CDH18: variants seen among roughly 807,000 people sequenced by gnomAD.
The protein encoded by CDH18 is cadherin 18, also known as cadherin-18.
In CDH18, 31 loss-of-function variants were observed where a neutral mutation model predicts 67.9. The observed-to-expected ratio is 0.46, with a 90% CI of 0.34 to 0.62. CDH18 has a LOEUF of 0.62. Among genes scored for constraint, CDH18 ranks in the 20% least tolerant of loss-of-function variants. The pLI, the probability that CDH18 is intolerant of heterozygous loss-of-function variation, is 0.01. For missense variants in CDH18, 890 were observed against 975.5 expected (o/e 0.91, Z 1.17); for synonymous variants, 362 against 347.2 (o/e 1.04, Z -0.48).
chr5:20,357,765 C>G (rs1469347983), intron 1 of CDH18, among the ~76,000 whole-genome samples: 1 of 152,134 alleles, frequency 6.6e-6, no homozygotes, highest in East Asian at 1.9e-4. Flanking sequence ...TCTCAAATAA[C>G]AAAAGTTGAA....
chr5:20,400,855 C>T (rs1580911520), intron 1 of CDH18, among the ~76,000 whole-genome samples: 1 of 151,940 alleles, frequency 6.6e-6, no homozygotes, highest in South Asian at 2.1e-4. Context: ...AAAAACCAAC[C>T]AACCAAATCC....
chr5:19,892,305 G>A (rs564537954), intron 2 of CDH18, among the ~76,000 whole-genome samples: 40 of 152,046 alleles, frequency 2.6e-4, no homozygotes, highest in African/African-American at 8.4e-4. Flanking sequence ...AAAATAATGC[G>A]GTGATATATG....
intron 1 of CDH18, among the ~76,000 whole-genome samples, chr5:20,438,706 A>T (rs1202962085): frequency 6.6e-6 from 1 of 151,394 alleles, no homozygotes; most frequent in African/African-American, 2.4e-5. Context: ...TACTGATGAA[A>T]GTAGAAGGCT....
chr5:19,858,412 T>G (rs1335252826), intron 2 of CDH18, among the ~76,000 whole-genome samples: 6 of 152,042 alleles, frequency 3.9e-5, no homozygotes, highest in African/African-American at 1.4e-4. Flanking sequence ...TCTAGGTTTG[T>G]CATAAACTAT....
intron 2 of CDH18, among the ~76,000 whole-genome samples, chr5:20,042,056 T>C (rs79572533): frequency 0.011 from 1,747 of 152,328 alleles, 39 homozygotes; most frequent in African/African-American, 0.04. Flanking sequence ...AGTGAAGCTG[T>C]GAGTTGTGTC....
intron 1 of CDH18, among the ~76,000 whole-genome samples, chr5:20,419,106 T>A (rs1747602596): frequency 6.6e-6 from 1 of 152,036 alleles, no homozygotes; most frequent in South Asian, 2.1e-4. Context: ...AAGGGGACTT[T>A]CCGGTGCTAT....
intron 2 of CDH18, among the ~76,000 whole-genome samples, chr5:19,966,248 C>A (rs962006643): frequency 2.6e-5 from 4 of 152,034 alleles, no homozygotes; most frequent in Non-Finnish European, 5.9e-5. Context: ...TTATTTAATT[C>A]AATTATGATG....
In CDH18 at chr5:19,851,878, C is replaced by G. The variant is rs61555665; in HGVS notation, c.-256-12636G>C. 2.1e-3 allele frequency among the ~76,000 whole-genome samples: 307 copies of G among 148,638 alleles called. 1 individual carries two copies. Among genetic ancestry groups the G allele is most frequent in the Admixed American group, 4.5e-3 (68 of 15,052 alleles). On this transcript the variant is annotated intron_variant, in intron 2 of 12. Coordinates refer to ENST00000382275, the MANE Select transcript of CDH18 (RefSeq NM_004934.5). ...GTGTTTAAACTCCAGAGAAAGCCAGCCTTTTAGTTCATTAGCTGATAAAAT... is the reference window on the plus strand; with the variant it reads ...GTGTTTAAACTCCAGAGAAAGCCAGGCTTTTAGTTCATTAGCTGATAAAAT...
intron 7 of CDH18, among the ~76,000 whole-genome samples, chr5:19,579,540 A>C (rs1278373522): frequency 6.6e-6 from 1 of 151,700 alleles, no homozygotes; most frequent in African/African-American, 2.4e-5. Flanking sequence ...ACAGCAATTA[A>C]AATAAAATAG....
chr5:20,191,250 T>C (rs914984267), intron 2 of CDH18, among the ~76,000 whole-genome samples: 1 of 152,152 alleles, frequency 6.6e-6, no homozygotes, highest in Admixed American at 6.6e-5. Context: ...TCAAAATGAA[T>C]AACCATTGAT....
At chr5:20,350,368 T>C (rs1197951896) in intron 1 of CDH18, among the ~76,000 whole-genome samples, 1 of 152,148 alleles carries the variant, frequency 6.6e-6, no homozygotes, top group Non-Finnish European at 1.5e-5. Context: ...AAGTCAACTT[T>C]ATAGAAATAT....
At chr5:19,735,823 C>A (rs1239933124) in intron 4 of CDH18, among the ~76,000 whole-genome samples, 1 of 152,182 alleles carries the variant, frequency 6.6e-6, no homozygotes, top group African/African-American at 2.4e-5. Context: ...ATAACTCTAT[C>A]TCTGTTCATT....
intron 1 of CDH18, among the ~76,000 whole-genome samples, chr5:20,502,153 T>C (rs78605711): frequency 1.3e-5 from 2 of 152,146 alleles, no homozygotes; most frequent in East Asian, 3.9e-4. Context: ...GAAGACAGTA[T>C]TTTTAAAGAA....
At chr5:19,994,539 C>A (rs1045843798) in intron 2 of CDH18, among the ~76,000 whole-genome samples, 2 of 149,560 alleles carry the variant, frequency 1.3e-5, no homozygotes, top group African/African-American at 4.9e-5. Context: ...GAAATTGAAA[C>A]TACTCAGTAA....
At chr5:19,988,691 C>G (rs967006589), upstream of CDH18, among the ~76,000 whole-genome samples, 3 of 151,924 alleles carry the variant, frequency 2.0e-5, no homozygotes, top group African/African-American at 7.3e-5. Context: ...GCAGGGCAGG[C>G]GCTGATGTGG....
intron 5 of CDH18, among the ~76,000 whole-genome samples, chr5:19,704,147 A>C (rs865957790): frequency 5.3e-5 from 8 of 152,198 alleles, no homozygotes; most frequent in Middle Eastern, 6.3e-3. Context: ...TTATTGGGTG[A>C]ATCAAATTAC....
chr5:20,381,265 T>C (rs2150100503), intron 1 of CDH18, among the ~76,000 whole-genome samples: 1 of 152,260 alleles, frequency 6.6e-6, no homozygotes, highest in Non-Finnish European at 1.5e-5. Context: ...CAGCCTGTGG[T>C]ATGTTGTTAT....
chr5:20,158,664 A>T, intron 2 of CDH18: 1 of 168,606 alleles, frequency 5.9e-6, no homozygotes. Flanking sequence ...TGCCTCACTC[A>T]TGCAGCAAGT....
chr5:19,834,689 C>T (rs534417980), intron 3 of CDH18, among the ~76,000 whole-genome samples: 1 of 152,130 alleles, frequency 6.6e-6, no homozygotes, highest in Non-Finnish European at 1.5e-5. Context: ...CTTAACACTG[C>T]TTTAGCTGTG....
Sources: gnomAD v4.1 joint callset for allele counts (sites outside exome capture counted in the v4.1 genomes callset) on GRCh38, gnomAD v4.1.1 for gene constraint, MANE v1.5 for transcripts, NCBI Gene and HGNC (gene_info 2026-07-23, HGNC 2026-07-21) for gene names.